The following RANBP2 variants were observed in gnomAD, a reference collection of about 807,000 sequenced individuals.
The protein encoded by RANBP2 is E3 SUMO-protein ligase RanBP2.
RANBP2 carries 57 observed loss-of-function variants against 303.6 expected under a neutral mutation model. The ratio of observed to expected loss-of-function variants is 0.19; its 90% CI spans 0.15 to 0.23. The LOEUF is 0.23. Among genes scored for constraint, RANBP2 ranks in the 10% least tolerant of loss-of-function variants. RANBP2 has a pLI of 1.00. For missense variants in RANBP2, 3,138 were observed against 3,780.8 expected, an observed-to-expected ratio of 0.83 and a Z score of 4.46; for synonymous variants, 1,167 against 1,301.5, an observed-to-expected ratio of 0.90 and a Z score of 2.23.
chr2:109,530,934 C>T, the RANBP2 span, among the ~76,000 whole-genome samples: 1,445 of 152,224 alleles, frequency 9.5e-3, 64 homozygotes, highest in East Asian at 0.12. Flanking sequence ...ACCCTCAAGA[C>T]AAGGAGCTTC....
chr2:109,472,104 G>T, the RANBP2 span, among the ~76,000 whole-genome samples: 1 of 152,194 alleles, frequency 6.6e-6, no homozygotes, highest in African/African-American at 2.4e-5. Flanking sequence ...TAATTAGATT[G>T]TTAATTATTA....
the RANBP2 span, among the ~76,000 whole-genome samples, chr2:109,671,435 G>C: frequency 6.6e-6 from 1 of 152,272 alleles, no homozygotes; most frequent in South Asian, 2.1e-4. Context: ...GGGCTGGGAA[G>C]GGGGAGTAGG....
the RANBP2 span, among the ~76,000 whole-genome samples, chr2:109,389,771 A>G: frequency 6.6e-6 from 1 of 152,210 alleles, no homozygotes; most frequent in Non-Finnish European, 1.5e-5. Flanking sequence ...CATATGTATA[A>G]TGCGAGTGAT....
At chr2:109,651,445 A>T in the RANBP2 span, among the ~76,000 whole-genome samples, 1 of 152,218 alleles carries the variant, frequency 6.6e-6, no homozygotes, top group African/African-American at 2.4e-5. Flanking sequence ...TTATGACCAT[A>T]CAAGAGGAGA....
chr2:108,775,491 C>T (rs1241166209), intron 23 of RANBP2, among the ~76,000 whole-genome samples: 2 of 151,734 alleles, frequency 1.3e-5, no homozygotes, highest in African/African-American at 4.8e-5. Flanking sequence ...CAGATTATCT[C>T]TCTGGTCCCA....
the RANBP2 span, among the ~76,000 whole-genome samples, chr2:109,028,909 G>C: frequency 6.6e-6 from 1 of 152,114 alleles, no homozygotes; most frequent in Non-Finnish European, 1.5e-5. Flanking sequence ...TGGCTGTCAC[G>C]ACTTTAGTTG....
At chr2:109,266,109 G>C in the RANBP2 span, among the ~76,000 whole-genome samples, 1 of 151,734 alleles carries the variant, frequency 6.6e-6, no homozygotes, top group African/African-American at 2.4e-5. Context: ...TGTGTGTGTT[G>C]TGTGTATGTG....
chr2:108,882,297 C>T, the RANBP2 span: 2 of 152,106 alleles, frequency 1.3e-5, no homozygotes, highest in African/African-American at 4.8e-5. Flanking sequence ...CCAATAGACT[C>T]ACCAGATGCA....
At chr2:108,848,718 GGC>G in the RANBP2 span, among the ~76,000 whole-genome samples, 1 of 152,098 alleles carries the variant, frequency 6.6e-6, no homozygotes, top group African/African-American at 2.4e-5. Context: ...CTGGGGCAGA[GGC>G]TTAGCCAACT....
chr2:108,889,503 C>G, the RANBP2 span, among the ~76,000 whole-genome samples: 1 of 151,922 alleles, frequency 6.6e-6, no homozygotes, highest in East Asian at 1.9e-4. Context: ...ATAATTATAT[C>G]CTCTTGCTGG....
the RANBP2 span, among the ~76,000 whole-genome samples, chr2:108,898,255 T>C: frequency 1.3e-5 from 2 of 152,144 alleles, no homozygotes; most frequent in Non-Finnish European, 2.9e-5. Context: ...AAAGGCCATG[T>C]AGGGAGCTGG....
chr2:109,442,771 A>G, the RANBP2 span, among the ~76,000 whole-genome samples: 4 of 152,242 alleles, frequency 2.6e-5, no homozygotes, highest in Non-Finnish European at 5.9e-5. Context: ...CATCCAAAAG[A>G]AAGCATTAAC....
the RANBP2 span, among the ~76,000 whole-genome samples, chr2:109,304,101 C>CAA: frequency 2.3e-5 from 3 of 128,828 alleles, no homozygotes; most frequent in African/African-American, 9.2e-5. Context: ...AACTCCATCT[C>CAA]AAAAAAAAAA....
At chr2:109,023,394 G>A in the RANBP2 span, among the ~76,000 whole-genome samples, 2 of 152,190 alleles carry the variant, frequency 1.3e-5, no homozygotes, top group Non-Finnish European at 2.9e-5. Context: ...GTTCATTGTA[G>A]AAAATTTGTA....
chr2:109,237,814 A>G, the RANBP2 span, among the ~76,000 whole-genome samples: 1 of 152,244 alleles, frequency 6.6e-6, no homozygotes, highest in Non-Finnish European at 1.5e-5. Flanking sequence ...TACTTTCTAC[A>G]CAAAGTTTCC....
At chr2:108,968,611 G>A in the RANBP2 span, among the ~76,000 whole-genome samples, 2 of 152,200 alleles carry the variant, frequency 1.3e-5, no homozygotes, top group African/African-American at 4.8e-5. Context: ...TCACAGGCAT[G>A]GTGTTCTCTT....
At chr2:109,039,455 A>G in the RANBP2 span, among the ~76,000 whole-genome samples, 1 of 152,204 alleles carries the variant, frequency 6.6e-6, no homozygotes, top group Non-Finnish European at 1.5e-5. Flanking sequence ...GGTTCAAGCA[A>G]TTCTCCTGGC....
the RANBP2 span, among the ~76,000 whole-genome samples, chr2:109,447,478 C>T: frequency 1.3e-5 from 2 of 152,172 alleles, no homozygotes; most frequent in Admixed American, 6.5e-5. Context: ...GCCATGAATG[C>T]CACAAAGTCT....
chr2:109,039,356 A>AT, the RANBP2 span, among the ~76,000 whole-genome samples: 83 of 147,730 alleles, frequency 5.6e-4, no homozygotes, highest in South Asian at 1.3e-3. Context: ...GTCTTTTAAG[A>AT]TTTTTTTTTT....
Sources: gnomAD v4.1 joint callset for allele counts (sites outside exome capture counted in the v4.1 genomes callset) on GRCh38, gnomAD v4.1.1 for gene constraint, MANE v1.5 for transcripts, NCBI Gene and HGNC (gene_info 2026-07-23, HGNC 2026-07-21) for gene names.